The following GMDS variants were observed in gnomAD, a reference collection of about 807,000 sequenced individuals.
GMDS encodes the protein GDP-mannose 4,6-dehydratase.
A neutral mutation model predicts 49.9 loss-of-function variants in GMDS; 20 were observed. The observed-to-expected ratio is 0.40, with a 90% CI of 0.28 to 0.58. GMDS has a LOEUF of 0.58. GMDS is among the 20% of genes least tolerant of loss of function. The pLI is 0.42. For synonymous variants in GMDS, 177 were observed against 178.6 expected (o/e 0.99, Z 0.07); for missense variants, 362 against 481.4 (o/e 0.75, Z 2.32).
At chr6:1,803,859 C>A (rs1561814864) in intron 7 of GMDS, among the ~76,000 whole-genome samples, 3 of 152,112 alleles carry the variant, frequency 2.0e-5, no homozygotes, top group Admixed American at 2.0e-4. Context: ...ATGGACTCTC[C>A]ACTTGCTTGG....
intron 7 of GMDS, among the ~76,000 whole-genome samples, chr6:1,856,982 T>C (rs1174912993): frequency 6.6e-6 from 1 of 152,174 alleles, no homozygotes; most frequent in African/African-American, 2.4e-5. Context: ...GAAACTAAAC[T>C]AATGAACTCA....
chr6:1,678,702 C>G (rs1169051989), intron 9 of GMDS, among the ~76,000 whole-genome samples: 1 of 152,074 alleles, frequency 6.6e-6, no homozygotes, highest in Non-Finnish European at 1.5e-5. Context: ...AAGATTCAGT[C>G]AGAGATAAAA....
intron 9 of GMDS, among the ~76,000 whole-genome samples, chr6:1,674,195 T>C (rs1188052027): frequency 6.6e-6 from 1 of 152,166 alleles, no homozygotes; most frequent in African/African-American, 2.4e-5. Context: ...TTGATGTTAG[T>C]ATTCTAATGT....
intron 6 of GMDS, among the ~76,000 whole-genome samples, chr6:1,955,571 G>A (rs1763588955): frequency 6.6e-6 from 1 of 152,076 alleles, no homozygotes; most frequent in Non-Finnish European, 1.5e-5. Context: ...CCACCCTCTT[G>A]CTTTCACCAA....
chr6:1,968,211 CATATA>C (rs1375582317), intron 4 of GMDS, among the ~76,000 whole-genome samples: 1 of 152,182 alleles, frequency 6.6e-6, no homozygotes, highest in Non-Finnish European at 1.5e-5. Flanking sequence ...CCACTATTCA[CATATA>C]ATATATTGAC....
chr6:2,087,162 T>C (rs1026764824), intron 4 of GMDS, among the ~76,000 whole-genome samples: 4 of 152,130 alleles, frequency 2.6e-5, no homozygotes, highest in African/African-American at 9.7e-5. Context: ...ACGAATTGCT[T>C]TGGGGATCCT....
intron 7 of GMDS, among the ~76,000 whole-genome samples, chr6:1,875,703 A>G (rs1759008811): frequency 6.6e-6 from 1 of 152,208 alleles, no homozygotes; most frequent in African/African-American, 2.4e-5. Flanking sequence ...CAAAATAATA[A>G]TAGCACATTG....
chr6:2,026,157 G>A (rs1742967656), intron 4 of GMDS, among the ~76,000 whole-genome samples: 1 of 152,156 alleles, frequency 6.6e-6, no homozygotes, highest in African/African-American at 2.4e-5. Context: ...GCAAAGGGAG[G>A]TCAAAGGCCA....
chr6:2,112,609 C>T (rs200967776), intron 4 of GMDS, among the ~76,000 whole-genome samples: 2 of 152,196 alleles, frequency 1.3e-5, no homozygotes, highest in East Asian at 3.8e-4. Context: ...TGTCCCTCTA[C>T]ATAAAAATTT....
intron 7 of GMDS, among the ~76,000 whole-genome samples, chr6:1,800,494 T>C (rs542715132): frequency 3.3e-5 from 5 of 152,270 alleles, no homozygotes; most frequent in African/African-American, 1.2e-4. Context: ...TGGAGGGCAG[T>C]GGTGTGATCT....
At chr6:2,154,881 A>C (rs1480063580) in intron 1 of GMDS, among the ~76,000 whole-genome samples, 2 of 150,628 alleles carry the variant, frequency 1.3e-5, no homozygotes, top group Non-Finnish European at 1.5e-5. Flanking sequence ...AAAAAAAAAA[A>C]AAAAAGACAA....
At chr6:2,242,902 C>A (rs1472600766) in intron 1 of GMDS, among the ~76,000 whole-genome samples, 11 of 152,186 alleles carry the variant, frequency 7.2e-5, no homozygotes, top group African/African-American at 2.7e-4. Context: ...GATTTTCAGA[C>A]CCCTTGCATT....
intron 4 of GMDS, among the ~76,000 whole-genome samples, chr6:1,996,673 GA>G (rs1413532817): frequency 6.6e-6 from 1 of 152,104 alleles, no homozygotes; most frequent in Non-Finnish European, 1.5e-5. Flanking sequence ...TTCCCATCAA[GA>G]GGATTATTTC....
At chr6:2,124,864 A>C (rs2127509801) in intron 1 of GMDS, 133 bp from the exon 2 acceptor site, 1 of 674,366 alleles carries the variant, frequency 1.5e-6, no homozygotes, top group African/African-American at 1.8e-5. Context: ...AATAAAAATA[A>C]CACCAATAAT....
chr6:1,755,234 A>G (rs1194959333), intron 7 of GMDS, among the ~76,000 whole-genome samples: 1 of 152,212 alleles, frequency 6.6e-6, no homozygotes, highest in African/African-American at 2.4e-5. Flanking sequence ...CTATATACCA[A>G]TAATAGACAA....
intron 7 of GMDS, among the ~76,000 whole-genome samples, chr6:1,860,731 C>T (rs73417934): frequency 0.05 from 7,675 of 152,184 alleles, 205 homozygotes; most frequent in Non-Finnish European, 0.059. Flanking sequence ...AAGAAGAGAA[C>T]GGCTGGTCCA....
chr6:1,774,294 C>T (rs1768704958), intron 7 of GMDS, among the ~76,000 whole-genome samples: 1 of 152,228 alleles, frequency 6.6e-6, no homozygotes, highest in East Asian at 1.9e-4. Flanking sequence ...TCACATGTCA[C>T]AGGCTAACCA....
At chr6:2,044,489 A>G (rs571093628) in intron 4 of GMDS, among the ~76,000 whole-genome samples, 35 of 152,338 alleles carry the variant, frequency 2.3e-4, no homozygotes, top group African/African-American at 8.4e-4. Flanking sequence ...GCATGTTCTC[A>G]CTTGAAAGTG....
intron 7 of GMDS, among the ~76,000 whole-genome samples, chr6:1,921,580 C>A (rs529177762): frequency 1.3e-5 from 2 of 152,186 alleles, no homozygotes; most frequent in Non-Finnish European, 2.9e-5. Context: ...ATTTGTTATA[C>A]AGAGTTTTCC....
Sources: allele counts gnomAD v4.1 joint callset (sites outside exome capture counted in the v4.1 genomes callset), GRCh38; gene constraint gnomAD v4.1.1; transcripts MANE v1.5; gene names NCBI Gene and HGNC (gene_info 2026-07-23, HGNC 2026-07-21).